Variants in ANK1 observed in about 807,000 individuals in gnomAD.
ANK1 encodes ankyrin-1.
In ANK1, 51 loss-of-function variants were observed where a neutral mutation model predicts 210.4. The ratio of observed to expected loss-of-function variants is 0.24; its 90% confidence interval spans 0.19 to 0.31. The LOEUF is 0.31. ANK1 is among the 10% of genes least tolerant of loss of function. The pLI is 1.00. For missense variants in ANK1, 2,051 were observed against 2,504.4 expected (o/e 0.82, Z 3.86); for synonymous variants, 967 against 1,025.9 (o/e 0.94, Z 1.10).
chr8:41,715,526 G>T, intron 14 of ANK1, 126 bp downstream of exon 14: 1 of 1,250,090 alleles, frequency 8.0e-7, no homozygotes, highest in Non-Finnish European at 1.1e-6. Flanking sequence ...TGAGTGTGAC[G>T]ACCCTTCCAG....
At chr8:41,701,000 C>A (rs181227088) in intron 22 of ANK1, among the ~76,000 whole-genome samples, 2 of 152,244 alleles carry the variant, frequency 1.3e-5, no homozygotes, top group Non-Finnish European at 2.9e-5. Context: ...AACTCCTAGC[C>A]TCAAGCAATC....
intron 1 of ANK1, among the ~76,000 whole-genome samples, chr8:41,775,232 T>C (rs1843755738): frequency 6.6e-6 from 1 of 152,212 alleles, no homozygotes; most frequent in Non-Finnish European, 1.5e-5. Flanking sequence ...TGATATAAGC[T>C]GCCATCTGGA....
At position 41,812,305 on chromosome 8, in the gene ANK1, C is replaced by T. The variant is rs187445140; in HGVS notation, c.127-54168G>A. Among the ~76,000 whole-genome samples, 3 of 152,198 alleles carry T rather than the reference C, an allele frequency of 2.0e-5. No homozygotes were observed. The East Asian group carries it at 5.8e-4, about 29-fold the overall frequency. On this transcript the variant is annotated intron_variant, in intron 1 of 42. Transcript: ENST00000265709. ...ACAGGGAGAAAACCATAATTATATA[C>T]ATAATTATATATATGGGAGTCCCAC...
chr8:41,873,724 G>A (rs1448378034), intron 1 of ANK1, among the ~76,000 whole-genome samples: 3 of 152,240 alleles, frequency 2.0e-5, no homozygotes, highest in Admixed American at 2.0e-4. Flanking sequence ...TTGCACAGCT[G>A]TGGAGTGGAG....
At chr8:41,892,550 G>C (rs1465963201) in intron 1 of ANK1, among the ~76,000 whole-genome samples, 1 of 152,320 alleles carries the variant, frequency 6.6e-6, no homozygotes, top group East Asian at 1.9e-4. Context: ...ATTTAGTGTA[G>C]CAGAGACCCT....
Position 41,696,451 on chromosome 8 carries a change from T to C in ANK1, c.2872A>G (p.Lys958Glu), listed in dbSNP as rs369732815. Residue 958 changes from lysine to glutamate, a missense_variant, in exon 26 of 43, where the codon AAG becomes GAG. Transcript: ENST00000289734. Reference sequence around the variant, plus strand: ...GCCAGTGGGGGCGGCGTGCTGAGCTTCTGGGGCTTGACCAGGCGGCAGGTG... The same window carrying C: ...GCCAGTGGGGGCGGCGTGCTGAGCTCCTGGGGCTTGACCAGGCGGCAGGTG... ...RITCRLVKPQ[K>E]LSTPPPLAEE... 45 of 1,613,228 alleles carry C rather than the reference T, an allele frequency of 2.8e-5. No homozygotes were observed. The highest frequency in any genetic ancestry group is 3.6e-5 in the Non-Finnish European group (43 of 1,179,908).
At chr8:41,739,059 C>G (rs1268405656) in intron 2 of ANK1, among the ~76,000 whole-genome samples, 1 of 152,190 alleles carries the variant, frequency 6.6e-6, no homozygotes, top group African/African-American at 2.4e-5. Flanking sequence ...AGTCTTTTTC[C>G]TACAGATACT....
intron 26 of ANK1, 144 bp downstream of exon 26, chr8:41,696,219 G>T: frequency 1.1e-6 from 1 of 892,706 alleles, no homozygotes; most frequent in East Asian, 2.6e-5. Flanking sequence ...GCCCTCTCAG[G>T]GCTATGGACA....
chr8:41,830,261 C>T (rs959867633), intron 1 of ANK1, among the ~76,000 whole-genome samples: 7 of 150,748 alleles, frequency 4.6e-5, no homozygotes, highest in Non-Finnish European at 1.0e-4. Context: ...CAAAGCCCCT[C>T]TTCTTTTCTT....
intron 33 of ANK1, among the ~76,000 whole-genome samples, chr8:41,689,980 AACATT>A (rs1395785376): frequency 6.6e-6 from 1 of 152,142 alleles, no homozygotes; most frequent in Non-Finnish European, 1.5e-5. Context: ...ATCTGATACC[AACATT>A]TGTTCTTCCT....
intron 1 of ANK1, among the ~76,000 whole-genome samples, chr8:41,842,364 G>A (rs1809100381): frequency 6.6e-6 from 1 of 151,940 alleles, no homozygotes; most frequent in South Asian, 2.1e-4. Context: ...GTGGTGGTGG[G>A]CGCCTATAAT....
chr8:41,758,193 C>T (rs754379031), intron 1 of ANK1, 56 bp from the exon 2 acceptor site: 2 of 1,516,702 alleles, frequency 1.3e-6, no homozygotes, highest in Non-Finnish European at 1.8e-6. Context: ...GACTTCTCCA[C>T]CCCGTTCAAG....
rs1157975386 is a variant in ANK1 at position 41,714,207 on chromosome 8, G to A, written c.1749C>T (p.Asp583=). Residue 583 remains aspartate, a synonymous_variant, in exon 16 of 43, where the codon GAC becomes GAT. Transcript: ENST00000289734. ...CCCGGGGAAGCAGCAGCTTGACGAT[G>A]TCCAGGTTGTTGTGATGGACGGCCA... is the stretch of plus-strand genomic sequence containing the variant. The part of the protein sequence containing the change: ...LHVAVHHNNL[D]IVKLLLPRGG... The A allele has an allele frequency of 2.6e-6, 4 of 1,521,320 alleles. No individual in the cohort carries two copies. The South Asian group carries it at 5.3e-5, about 20-fold the overall frequency. The allele number at this position is 1,521,320 out of a possible 1,614,324, so 94.2% of individuals were successfully genotyped here.
At chr8:41,772,755 C>G (rs1843190403) in intron 1 of ANK1, among the ~76,000 whole-genome samples, 1 of 152,250 alleles carries the variant, frequency 6.6e-6, no homozygotes, top group Non-Finnish European at 1.5e-5. Context: ...CTGTGGCCAG[C>G]TGACCCGTTG....
At chr8:41,792,023 A>G (rs552065252) in intron 1 of ANK1, among the ~76,000 whole-genome samples, 205 of 152,254 alleles carry the variant, frequency 1.3e-3, no homozygotes, top group Non-Finnish European at 2.2e-3. Flanking sequence ...CTTCCCCTAC[A>G]CGCTAATAGG....
intron 1 of ANK1, among the ~76,000 whole-genome samples, chr8:41,875,629 G>C (rs1416733925): frequency 6.6e-6 from 1 of 152,172 alleles, no homozygotes; most frequent in Admixed American, 6.5e-5. Context: ...CCTGTGCCAG[G>C]GATGCGTGAG....
intron 1 of ANK1, among the ~76,000 whole-genome samples, chr8:41,817,273 C>A (rs1803499626): frequency 6.6e-6 from 1 of 152,174 alleles, no homozygotes; most frequent in South Asian, 2.1e-4. Flanking sequence ...TATCAGAAGT[C>A]TAGGATAAAT....
In ANK1 at chr8:41,694,571, G is replaced by C. The variant is rs61207451; in HGVS notation, c.3327+21C>G. On this transcript the variant is annotated intron_variant, in intron 28 of 42. Coordinates refer to ENST00000289734, the MANE Select transcript of ANK1 (RefSeq NM_000037.4). This position sits in a 1 kb window ranked among gnomAD's most constrained non-coding sequence, Gnocchi z 5.7. ...GGAGTTCAGTCCACCCCCAGGACCT[G>C]GCGGGGAGGAGGGCTGTCACCTGCA... 4.5e-3 allele frequency: 7,240 copies of C among 1,608,678 alleles called. 200 individuals carry two copies. In the African/African-American group the frequency reaches 0.059, roughly 13 times the overall value.
intron 1 of ANK1, among the ~76,000 whole-genome samples, chr8:41,773,956 C>T (rs917621869): frequency 6.6e-6 from 1 of 152,294 alleles, no homozygotes; most frequent in African/African-American, 2.4e-5. Flanking sequence ...ATCAAATAAC[C>T]AGATGAAGCG....
Sources: gnomAD v4.1 joint callset for allele counts (sites outside exome capture counted in the v4.1 genomes callset) on GRCh38, gnomAD v4.1.1 for gene constraint, Gnocchi (gnomAD v3.1) non-coding constraint, MANE v1.5 for transcripts, NCBI Gene and HGNC (gene_info 2026-07-23, HGNC 2026-07-21) for gene names.